BICDL1: variants seen among roughly 807,000 people sequenced by gnomAD.
BICDL1 encodes the protein BICD family-like cargo adapter 1.
Under a neutral mutation model 76.8 loss-of-function variants are expected in BICDL1, and 20 were observed. The ratio of observed to expected loss-of-function variants is 0.26; its 90% CI spans 0.18 to 0.38. BICDL1 has a LOEUF of 0.38. Among genes scored for constraint, BICDL1 ranks in the 10% least tolerant of loss-of-function variants. The probability of loss-of-function intolerance (pLI) is 1.00; values close to 1 mark genes in which losing one functional copy is unlikely to be tolerated. For missense variants in BICDL1, 700 were observed against 798.6 expected (o/e 0.88, Z 1.49); for synonymous variants, 383 against 337.1 (o/e 1.14, Z -1.49).
intron 2 of BICDL1, among the ~76,000 whole-genome samples, chr12:120,041,664 G>A (rs1329147340): frequency 6.6e-6 from 1 of 152,166 alleles, no homozygotes; most frequent in African/African-American, 2.4e-5. Context: ...AGGCCTCTCT[G>A]ATAAGATGAC....
At chr12:120,089,416 G>C (rs1874764015) in intron 8 of BICDL1, among the ~76,000 whole-genome samples, 1 of 151,814 alleles carries the variant, frequency 6.6e-6, no homozygotes, top group African/African-American at 2.4e-5. Context: ...ACGGAGTTCT[G>C]CTCTTTTTGC....
At chr12:120,062,398 G>A (rs932912457) in intron 3 of BICDL1, among the ~76,000 whole-genome samples, 2 of 152,094 alleles carry the variant, frequency 1.3e-5, no homozygotes, top group Non-Finnish European at 2.9e-5. Context: ...GGTGAAGAGA[G>A]GGTAAGGATC....
At chr12:119,995,814 G>T (rs1951631728) in intron 1 of BICDL1, among the ~76,000 whole-genome samples, 1 of 151,942 alleles carries the variant, frequency 6.6e-6, no homozygotes, top group African/African-American at 2.4e-5. Flanking sequence ...GTGAAACCCT[G>T]TCTCTACTAA....
chr12:120,006,126 A>C (rs761818021), intron 2 of BICDL1, among the ~76,000 whole-genome samples: 8 of 152,146 alleles, frequency 5.3e-5, no homozygotes, highest in Non-Finnish European at 1.0e-4. Context: ...AAAAGTCAAG[A>C]TAATGGTTAC....
chr12:120,041,468 C>T (rs1421586146), intron 2 of BICDL1, among the ~76,000 whole-genome samples: 1 of 152,090 alleles, frequency 6.6e-6, no homozygotes. Flanking sequence ...GGCTCACTTC[C>T]GAGTACTGGG....
intron 1 of BICDL1, among the ~76,000 whole-genome samples, chr12:119,996,164 C>G (rs930183089): frequency 6.6e-6 from 1 of 152,088 alleles, no homozygotes; most frequent in African/African-American, 2.4e-5. Flanking sequence ...GTGGCTATCT[C>G]CAAATGAGTT....
chr12:120,007,669 A>T (rs947546263), intron 2 of BICDL1, among the ~76,000 whole-genome samples: 13 of 152,188 alleles, frequency 8.5e-5, no homozygotes, highest in African/African-American at 3.1e-4. Context: ...GAAAAGACTA[A>T]TTTTCCTCTG....
At position 120,049,594 on chromosome 12, in the gene BICDL1, G is replaced by A. The variant is rs1008126722; in HGVS notation, c.646-12116G>A. 5.9e-5 allele frequency among the ~76,000 whole-genome samples: 9 copies of A among 152,006 alleles called. No homozygotes were observed. In the East Asian group the frequency reaches 9.6e-4, roughly 16 times the overall value. The stretch of plus-strand genomic sequence containing the variant: ...GATTTCGTTTTATTTCTTCTGCTTT[G>A]TTTTCATTGGGCATCTTGAGTTTGT... On this transcript the variant is annotated intron_variant, in intron 2 of 9. Coordinates refer to ENST00000548673, the MANE Select transcript of BICDL1 (RefSeq NM_001367886.1).
chr12:120,037,570 G>A (rs140392083), intron 2 of BICDL1, among the ~76,000 whole-genome samples: 2 of 152,226 alleles, frequency 1.3e-5, no homozygotes, highest in Non-Finnish European at 2.9e-5. Context: ...AGCAATGAGA[G>A]AGAACTTTAT....
At chr12:120,056,677 A>T (rs1952980040) in intron 2 of BICDL1, among the ~76,000 whole-genome samples, 1 of 152,088 alleles carries the variant, frequency 6.6e-6, no homozygotes, top group African/African-American at 2.4e-5. Flanking sequence ...AGATCGCGCT[A>T]CTGCACTCCA....
chr12:120,090,304 G>C, intron 9 of BICDL1: 1 of 476,532 alleles, frequency 2.1e-6, no homozygotes, highest in Non-Finnish European at 3.7e-6. Context: ...GAGATGTAGT[G>C]ATCTCCAGAC....
In BICDL1 at chr12:120,093,836, T is replaced by G. The variant is rs1875193953; in HGVS notation, c.*675T>G. 2 of 194,484 alleles carry G rather than the reference T, an allele frequency of 1.0e-5. No individual in the cohort carries two copies. The highest frequency in any genetic ancestry group is 8.2e-5 in the South Asian group (1 of 12,190). The allele number at this position is 194,484 out of a possible 1,614,324, so 12.0% of individuals were successfully genotyped here. On this transcript the variant is annotated 3_prime_UTR_variant, in exon 10 of 10. Transcript: ENST00000548673. ...GTCGCCACTGCTCTCCCTCCCAGCC[T>G]TCAGTCTCTGCCCCTTAGCAGGGCC...
chr12:119,998,430 A>G lies in BICDL1; in HGVS notation c.430-91A>G, dbSNP rs998113260. Reference sequence around the variant, plus strand: ...GGGTGTTTTATTGTGTCTACTGACTAGGAAAAAGAAAAGTTGGGACAGCGC... The same window carrying G: ...GGGTGTTTTATTGTGTCTACTGACTGGGAAAAAGAAAAGTTGGGACAGCGC... On this transcript the variant is annotated intron_variant, in intron 1 of 9. Transcript: ENST00000548673. 5 of 1,133,018 alleles carry G rather than the reference A, an allele frequency of 4.4e-6. No homozygotes were observed. In the African/African-American group the frequency reaches 7.8e-5, roughly 18 times the overall value. The allele number at this position is 1,133,018 out of a possible 1,614,324, so 70.2% of individuals were successfully genotyped here.
Position 120,012,984 on chromosome 12 carries a change from T to C in BICDL1, c.645+14248T>C, listed in dbSNP as rs79488991. ...CTTCAGTGGTAGGGACATTTGGGAA[T>C]GCTTTTTGTCAAACTCTTAATTTAT... On this transcript the variant is annotated intron_variant, in intron 2 of 9. Coordinates refer to ENST00000548673, the MANE Select transcript of BICDL1 (RefSeq NM_001367886.1). Among the ~76,000 whole-genome samples the C allele has an allele frequency of 5.9e-3, 896 of 152,312 alleles. 13 individuals are homozygous for C. Among genetic ancestry groups the C allele is most frequent in the African/African-American group, 0.02 (852 of 41,572 alleles).
chr12:120,026,751 A>C (rs1217437340), intron 2 of BICDL1, among the ~76,000 whole-genome samples: 2 of 152,210 alleles, frequency 1.3e-5, no homozygotes, highest in African/African-American at 2.4e-5. Flanking sequence ...GCAGTGTCAT[A>C]GGCTCTAGCT....
At position 119,990,063 on chromosome 12, in the gene BICDL1, CG is replaced by C; in HGVS notation, c.199del (p.Glu67SerfsTer36). The C allele has an allele frequency of 6.5e-7, 1 of 1,534,984 alleles. No homozygotes were observed. On this transcript the variant is annotated frameshift_variant, in exon 1 of 10. Coordinates refer to ENST00000548673, the MANE Select transcript of BICDL1 (RefSeq NM_001367886.1). LOFTEE classifies it high-confidence loss of function. ...LEEELALLAA[G>X]ERPSDPGEHP... ...AGGAGGAGCTGGCGCTGCTGGCGGC[CG>C]GGGAGCGGCCGTCCGACCCCGGGGA...
chr12:120,031,977 C>T (rs1952433170), intron 2 of BICDL1, among the ~76,000 whole-genome samples: 1 of 152,132 alleles, frequency 6.6e-6, no homozygotes. Flanking sequence ...GTAGTCCCAG[C>T]TACTTGGGAG....
At chr12:120,019,194 G>C (rs952823948) in intron 2 of BICDL1, 1 of 152,088 alleles carries the variant, frequency 6.6e-6, no homozygotes, top group Non-Finnish European at 1.5e-5. Context: ...GTGCTGATTA[G>C]TAGTGTGATT....
chr12:120,020,721 TATC>T (rs1475082138), intron 2 of BICDL1, among the ~76,000 whole-genome samples: 5 of 152,210 alleles, frequency 3.3e-5, no homozygotes, highest in African/African-American at 9.7e-5. Context: ...GAACTGGACA[TATC>T]ATCCCACAGG....
Sources: allele counts gnomAD v4.1 joint callset (sites outside exome capture counted in the v4.1 genomes callset), GRCh38; gene constraint gnomAD v4.1.1; transcripts MANE v1.5; gene names NCBI Gene and HGNC (gene_info 2026-07-23, HGNC 2026-07-21).